The following MYO9B variants were observed in gnomAD, a reference collection of about 807,000 sequenced individuals.
MYO9B encodes myosin IXB.
MYO9B carries 71 observed loss-of-function variants against 229.5 expected under a neutral mutation model. The ratio of observed to expected loss-of-function variants is 0.31; its 90% confidence interval spans 0.26 to 0.38. The LOEUF is 0.38. Among genes scored for constraint, MYO9B ranks in the 10% least tolerant of loss-of-function variants. The pLI is 1.00. For synonymous variants in MYO9B, 1,185 were observed against 1,235.8 expected (o/e 0.96, Z 0.86); for missense variants, 2,255 against 2,920.5 (o/e 0.77, Z 5.25).
chr19:17,175,931 C>T (rs549884141), intron 14 of MYO9B, among the ~76,000 whole-genome samples, 190 bp downstream of exon 14: 20 of 151,086 alleles, frequency 1.3e-4, no homozygotes, highest in African/African-American at 4.4e-4. Context: ...CTCCCGGGTT[C>T]AAGCGATTCT....
intron 14 of MYO9B, among the ~76,000 whole-genome samples, chr19:17,176,108 C>T (rs983040371): frequency 1.3e-5 from 2 of 152,232 alleles, no homozygotes; most frequent in Admixed American, 6.5e-5. Flanking sequence ...CGGCTCACTG[C>T]AGGCTCCGCC....
chr19:17,173,990 C>T (rs1313682512), intron 13 of MYO9B, among the ~76,000 whole-genome samples: 2 of 151,240 alleles, frequency 1.3e-5, no homozygotes, highest in African/African-American at 4.9e-5. Context: ...AGTTACCCAC[C>T]CAACTTTGCC....
chr19:17,183,859 C>A lies in MYO9B; in HGVS notation c.2364C>A (p.Ile788=), dbSNP rs2072887901. The change falls in exon 16 of 40, where the codon ATC becomes ATA. Residue 788 remains isoleucine (I), a synonymous_variant. Coordinates refer to ENST00000682292, the MANE Select transcript of MYO9B (RefSeq NM_004145.4). ...GTAAAGGTATCAAACAAAAGCAGAT[C>A]ATTCCAAAGGTAAAAAAAAAAACAC... ...LKSKGIKQKQ[I]IPKNLLDSKS... 6.3e-7 allele frequency: 1 copy of A among 1,575,972 alleles called. No homozygotes were observed. Among genetic ancestry groups the A allele is most frequent in the Non-Finnish European group, 8.6e-7 (1 of 1,163,900 alleles).
intron 37 of MYO9B, 42 bp downstream of exon 37, chr19:17,210,422 T>G (rs541151069): frequency 6.5e-7 from 1 of 1,542,310 alleles, no homozygotes; most frequent in Admixed American, 2.0e-5. Context: ...TGTCTCCCGG[T>G]GCAGTGCATG....
intron 1 of MYO9B, among the ~76,000 whole-genome samples, chr19:17,086,332 G>C (rs963458139): frequency 6.6e-6 from 1 of 152,082 alleles, no homozygotes; most frequent in African/African-American, 2.4e-5. Flanking sequence ...CCCATTCCCC[G>C]CCCTCGCCTG....
intron 36 of MYO9B, among the ~76,000 whole-genome samples, chr19:17,210,110 G>A (rs898252768): frequency 3.3e-5 from 5 of 152,166 alleles, no homozygotes; most frequent in African/African-American, 1.2e-4. Context: ...CAGGTCATGC[G>A]TCCAGCCTTG....
chr19:17,170,474 GAC>G (rs1050453328), intron 11 of MYO9B, among the ~76,000 whole-genome samples: 1 of 151,878 alleles, frequency 6.6e-6, no homozygotes, highest in Non-Finnish European at 1.5e-5. Context: ...CAGGGAGACA[GAC>G]ACATCCCTCT....
At chr19:17,120,001 G>A (rs771656492) in intron 2 of MYO9B, among the ~76,000 whole-genome samples, 2 of 152,146 alleles carry the variant, frequency 1.3e-5, no homozygotes, top group South Asian at 4.1e-4. Flanking sequence ...CCGTTGCTAC[G>A]AAAAATACAA....
rs34195149 is a variant in MYO9B, at chr19:17,206,073, C to T, written c.5178C>T (p.His1726=). ...AGCTCCTGGAACACGTGGAGATGCA[C>T]GGCCTGTACACCGAGGGCCTCTACC... ...LEKLLEHVEM[H]GLYTEGLYRK... is the part of the protein sequence containing the mutation. The change falls in exon 32 of 40, where the codon CAC becomes CAT. Residue 1726 remains histidine, a synonymous_variant. Transcript: ENST00000682292. 8.6e-4 allele frequency: 1,387 copies of T among 1,610,800 alleles called. No individual in the cohort carries two copies. The highest frequency in any genetic ancestry group is 1.1e-3 in the Non-Finnish European group (1,288 of 1,178,006).
chr19:17,182,634 G>T (rs2145410297), intron 15 of MYO9B, among the ~76,000 whole-genome samples: 1 of 152,104 alleles, frequency 6.6e-6, no homozygotes, highest in African/African-American at 2.4e-5. Context: ...TTGAACTCCT[G>T]ACCTCAAATG....
rs768480933 is a variant in MYO9B at position 17,194,944 on chromosome 19, A to T, written c.3517A>T (p.Ser1173Cys). The change falls in exon 22 of 40, where the codon AGT becomes TGT. Residue 1173 changes from serine (S) to cysteine (C), a missense_variant. Physicochemically the swap from Ser to Cys is moderately radical, Grantham distance 112. Transcript: ENST00000682292. ...NKHIQSCKEE[S>C]ALREPSRRVT... ...ACACATCCAGTCCTGCAAGGAGGAGAGTGCCCTCAGAGAACCTTCCAGAAG... is the reference window on the plus strand; with the variant it reads ...ACACATCCAGTCCTGCAAGGAGGAGTGTGCCCTCAGAGAACCTTCCAGAAG... The T allele has an allele frequency of 3.1e-6, 5 of 1,613,398 alleles. No individual in the cohort carries two copies. The highest frequency in any genetic ancestry group is 4.2e-6 in the Non-Finnish European group (5 of 1,179,884).
At chr19:17,183,466 G>A (rs1312048212) in intron 15 of MYO9B, among the ~76,000 whole-genome samples, 1 of 152,208 alleles carries the variant, frequency 6.6e-6, no homozygotes, top group African/African-American at 2.4e-5. Flanking sequence ...GGATATGTCA[G>A]TTCCTCCATA....
chr19:17,155,892 C>T (rs567009304), intron 6 of MYO9B, among the ~76,000 whole-genome samples: 208 of 152,128 alleles, frequency 1.4e-3, no homozygotes, highest in African/African-American at 4.8e-3. Context: ...TGATGGTGCA[C>T]GCCTGTAATC....
At chr19:17,112,542 G>C (rs539259689) in intron 2 of MYO9B, among the ~76,000 whole-genome samples, 2 of 152,304 alleles carry the variant, frequency 1.3e-5, no homozygotes, top group Admixed American at 6.5e-5. Flanking sequence ...CCCCAGCCGC[G>C]GGGATGTGCC....
chr19:17,186,061 G>A (rs1161793550), intron 18 of MYO9B, 60 bp downstream of exon 18: 2 of 1,492,238 alleles, frequency 1.3e-6, no homozygotes, highest in Non-Finnish European at 1.9e-6. Context: ...AGGGGTGTCG[G>A]TGTCCCTGCA....
At chr19:17,205,837 A>C in intron 31 of MYO9B, 123 bp from the exon 32 acceptor site, 7 of 944,986 alleles carry the variant, frequency 7.4e-6, no homozygotes, top group Non-Finnish European at 1.1e-5. Context: ...GGAGACAGGG[A>C]GGGACAGAAC....
intron 2 of MYO9B, among the ~76,000 whole-genome samples, chr19:17,116,111 T>G (rs2057900828): frequency 6.6e-6 from 1 of 152,130 alleles, no homozygotes; most frequent in African/African-American, 2.4e-5. Flanking sequence ...CTCCTTGCCT[T>G]GAACCCCCTC....
At chr19:17,109,037 TTTA>T (rs2057821443) in intron 2 of MYO9B, among the ~76,000 whole-genome samples, 12 of 20,940 alleles carry the variant, frequency 5.7e-4, no homozygotes, top group Non-Finnish European at 9.6e-4. Context: ...TTTAATTTTA[TTTA>T]TTTATTTATT....
At chr19:17,185,574 A>AC (rs1423447008) in intron 17 of MYO9B, among the ~76,000 whole-genome samples, 1 of 151,940 alleles carries the variant, frequency 6.6e-6, no homozygotes, top group African/African-American at 2.4e-5. Context: ...ACAAAACAAA[A>AC]AAAACACTAC....
Sources: gnomAD v4.1 joint callset for allele counts (sites outside exome capture counted in the v4.1 genomes callset) on GRCh38, gnomAD v4.1.1 for gene constraint, MANE v1.5 for transcripts, NCBI Gene and HGNC (gene_info 2026-07-23, HGNC 2026-07-21) for gene names.